NKAIN2: variants seen among roughly 807,000 people sequenced by gnomAD.
NKAIN2 encodes sodium/potassium transporting ATPase interacting 2.
In NKAIN2, 14 loss-of-function variants were observed where a neutral mutation model predicts 32.6. The observed-to-expected ratio is 0.43, with a 90% CI of 0.28 to 0.67. The LOEUF (loss-of-function observed/expected upper bound fraction) is 0.67, where lower values mean the gene tolerates loss of function less well. Among genes scored for constraint, NKAIN2 ranks in the 30% least tolerant of loss-of-function variants. The pLI, the probability that NKAIN2 is intolerant of heterozygous loss-of-function variation, is 0.17. For synonymous variants in NKAIN2, 80 were observed against 87.2 expected (o/e 0.92, Z 0.46); for missense variants, 198 against 258.3 (o/e 0.77, Z 1.60).
At position 123,959,266 on chromosome 6, in the gene NKAIN2, A is replaced by G. The variant is rs148227115; in HGVS notation, c.54+155012A>G. Among the ~76,000 whole-genome samples the G allele has an allele frequency of 1.1e-4, 17 of 152,274 alleles. No homozygotes were observed. The East Asian group carries it at 1.7e-3, about 16-fold the overall frequency. On this transcript the variant is annotated intron_variant, in intron 1 of 6. Transcript: ENST00000368417. ...TGGTCTAAAGAGTGAATCTGCTTCTATAAATGCCTCTTTAATATCATGGAG... is the reference window on the plus strand; with the variant it reads ...TGGTCTAAAGAGTGAATCTGCTTCTGTAAATGCCTCTTTAATATCATGGAG...
At chr6:123,834,847 T>G (rs920830030) in intron 1 of NKAIN2, among the ~76,000 whole-genome samples, 1 of 152,192 alleles carries the variant, frequency 6.6e-6, no homozygotes, top group Non-Finnish European at 1.5e-5. Context: ...ATTTATTAGC[T>G]TGTTGATGTA....
At chr6:124,387,735 C>T (rs1772971476) in intron 3 of NKAIN2, among the ~76,000 whole-genome samples, 1 of 151,914 alleles carries the variant, frequency 6.6e-6, no homozygotes, top group Non-Finnish European at 1.5e-5. Context: ...TAAAGATGAA[C>T]TAGTTTGTTT....
chr6:124,571,734 C>T (rs1331913667), intron 3 of NKAIN2, among the ~76,000 whole-genome samples: 1 of 152,150 alleles, frequency 6.6e-6, no homozygotes, highest in Non-Finnish European at 1.5e-5. Context: ...TTTAGCCACG[C>T]CTCTCCAGCT....
Position 124,462,628 on chromosome 6 carries a change from A to G in NKAIN2, c.273+107281A>G, listed in dbSNP as rs1171101140. ...TCTAGAATGAGTAATTTCAAAAACA[A>G]GCATTCTGACAGTTCAATATTATAA... On this transcript the variant is annotated intron_variant, in intron 3 of 6. Coordinates refer to ENST00000368417, the MANE Select transcript of NKAIN2 (RefSeq NM_001040214.3). 3.9e-5 allele frequency among the ~76,000 whole-genome samples: 6 copies of G among 152,130 alleles called. No homozygotes were observed. In the South Asian group the frequency reaches 1.0e-3, roughly 26 times the overall value.
intron 1 of NKAIN2, among the ~76,000 whole-genome samples, chr6:124,103,629 A>G (rs979521089): frequency 1.3e-5 from 2 of 152,250 alleles, no homozygotes; most frequent in African/African-American, 4.8e-5. Context: ...TAATCTTAGA[A>G]TCACAGAAAT....
intron 3 of NKAIN2, among the ~76,000 whole-genome samples, chr6:124,626,573 A>G (rs570040520): frequency 6.6e-6 from 1 of 152,190 alleles, no homozygotes. Context: ...GTAATGACTC[A>G]TGCTTTATTA....
intron 4 of NKAIN2, among the ~76,000 whole-genome samples, chr6:124,708,893 G>A (rs1775268063): frequency 1.4e-5 from 2 of 145,352 alleles, no homozygotes; most frequent in South Asian, 2.2e-4. Flanking sequence ...GGAGTGGTGA[G>A]AGAGGGCATC....
intron 5 of NKAIN2, among the ~76,000 whole-genome samples, chr6:124,818,089 C>A (rs753481894): frequency 4.0e-5 from 6 of 151,472 alleles, no homozygotes; most frequent in Non-Finnish European, 5.9e-5. Flanking sequence ...TAGATGAATT[C>A]TATTACTCCA....
intron 1 of NKAIN2, among the ~76,000 whole-genome samples, chr6:124,262,090 G>A (rs982796935): frequency 4.6e-5 from 7 of 151,968 alleles, no homozygotes; most frequent in African/African-American, 1.7e-4. Context: ...ACCACCACAG[G>A]GCCTGACAGA....
At chr6:124,175,864 C>T (rs1364847045) in intron 1 of NKAIN2, among the ~76,000 whole-genome samples, 1 of 152,102 alleles carries the variant, frequency 6.6e-6, no homozygotes, top group Non-Finnish European at 1.5e-5. Context: ...CTCTCTCTTG[C>T]CCTTTATTTC....
At chr6:124,423,794 C>T (rs762180554) in intron 3 of NKAIN2, among the ~76,000 whole-genome samples, 1 of 152,134 alleles carries the variant, frequency 6.6e-6, no homozygotes, top group Non-Finnish European at 1.5e-5. Flanking sequence ...GCAGCACTCA[C>T]CAGACACTGA....
Position 124,743,929 on chromosome 6 carries a change from A to G in NKAIN2, c.475-47410A>G, listed in dbSNP as rs184354832. ...AATAAATGACAGTTTATTAATTTATAAAATTGTGAATAATGACCAAATTAT... is the reference window on the plus strand; with the variant it reads ...AATAAATGACAGTTTATTAATTTATGAAATTGTGAATAATGACCAAATTAT... On this transcript the variant is annotated intron_variant, in intron 4 of 6. Coordinates refer to ENST00000368417, the MANE Select transcript of NKAIN2 (RefSeq NM_001040214.3). 1.1e-4 allele frequency among the ~76,000 whole-genome samples: 16 copies of G among 152,046 alleles called. No homozygotes were observed. In the East Asian group the frequency reaches 2.7e-3, roughly 26 times the overall value.
At chr6:124,710,813 G>A (rs938999700) in intron 4 of NKAIN2, among the ~76,000 whole-genome samples, 7 of 148,682 alleles carry the variant, frequency 4.7e-5, no homozygotes, top group African/African-American at 1.7e-4. Flanking sequence ...TTTAATTGGA[G>A]CATTTAGTCC....
intron 3 of NKAIN2, among the ~76,000 whole-genome samples, chr6:124,366,164 G>A (rs573899647): frequency 6.6e-6 from 1 of 151,960 alleles, no homozygotes; most frequent in Non-Finnish European, 1.5e-5. Context: ...TACAATAGGG[G>A]AAAAAAAGCA....
intron 1 of NKAIN2, among the ~76,000 whole-genome samples, chr6:123,839,837 T>C (rs1001585237): frequency 5.3e-5 from 8 of 152,098 alleles, no homozygotes. Flanking sequence ...ATGTCGCTCT[T>C]CAAAATCAGA....
At chr6:123,930,686 A>G (rs1466690732) in intron 1 of NKAIN2, among the ~76,000 whole-genome samples, 1 of 152,166 alleles carries the variant, frequency 6.6e-6, no homozygotes, top group African/African-American at 2.4e-5. Context: ...TTCCCCTGAT[A>G]TGTTTTTGTA....
chr6:124,436,729 T>A (rs1318361132), intron 3 of NKAIN2, among the ~76,000 whole-genome samples: 1 of 152,160 alleles, frequency 6.6e-6, no homozygotes, highest in East Asian at 1.9e-4. Flanking sequence ...CAGGATCTCC[T>A]GTCTGGCCTC....
intron 4 of NKAIN2, among the ~76,000 whole-genome samples, chr6:124,662,262 C>G (rs1256810558): frequency 6.6e-6 from 1 of 151,492 alleles, no homozygotes; most frequent in African/African-American, 2.4e-5. Flanking sequence ...AAACAATGAA[C>G]AGGGAGTGTG....
At chr6:123,868,689 C>A (rs1405444481) in intron 1 of NKAIN2, among the ~76,000 whole-genome samples, 3 of 152,098 alleles carry the variant, frequency 2.0e-5, no homozygotes, top group Non-Finnish European at 4.4e-5. Flanking sequence ...TGAATATAGG[C>A]AAAGAGAGAA....
Sources: gnomAD v4.1 joint callset for allele counts (sites outside exome capture counted in the v4.1 genomes callset) on GRCh38, gnomAD v4.1.1 for gene constraint, MANE v1.5 for transcripts, NCBI Gene and HGNC (gene_info 2026-07-23, HGNC 2026-07-21) for gene names.